DAB1: variants seen among roughly 807,000 people sequenced by gnomAD.
DAB1 encodes DAB adaptor protein 1.
Under a neutral mutation model 64.6 loss-of-function variants are expected in DAB1, and 15 were observed. The observed-to-expected ratio is 0.23, with a 90% CI of 0.16 to 0.36. The LOEUF (loss-of-function observed/expected upper bound fraction) is 0.36. Among genes scored for constraint, DAB1 ranks in the 10% least tolerant of loss-of-function variants. DAB1 has a pLI of 1.00. For missense variants in DAB1, 596 were observed against 706.7 expected, an observed-to-expected ratio of 0.84 and a Z score of 1.78; for synonymous variants, 235 against 251.9, an observed-to-expected ratio of 0.93 and a Z score of 0.64.
intron 5 of DAB1, among the ~76,000 whole-genome samples, chr1:57,948,610 A>T (rs1016404585): frequency 1.4e-4 from 21 of 152,186 alleles, no homozygotes; most frequent in Admixed American, 1.2e-3. Flanking sequence ...AGACTATGTC[A>T]GTTAATGTAC....
intron 1 of DAB1, among the ~76,000 whole-genome samples, chr1:57,394,982 C>T (rs1002417843): frequency 2.6e-5 from 4 of 152,136 alleles, no homozygotes; most frequent in Admixed American, 6.5e-5. Context: ...GTTGTTTTTG[C>T]ATTTCTGCCC....
chr1:58,394,665 A>T lies in DAB1; in HGVS notation n.258-51262T>A, dbSNP rs141829496. Among the ~76,000 whole-genome samples, 390 of 152,340 alleles carry T rather than the reference A, an allele frequency of 2.6e-3. 6 individuals are homozygous for T. Among genetic ancestry groups the T allele is most frequent in the African/African-American group, 8.9e-3 (369 of 41,584 alleles). The stretch of plus-strand genomic sequence containing the variant: ...AGTGAAAGCAACCAGATACAAAATG[A>T]TTCTAATTATATGAACTTCTGGAAA... On this transcript the variant is annotated intron_variant and non_coding_transcript_variant, in intron 3 of 20. Coordinates refer to the DAB1 transcript ENST00000485760.
intron 3 of DAB1, among the ~76,000 whole-genome samples, chr1:58,418,520 G>A (rs706416): frequency 0.61 from 93,354 of 151,882 alleles, 29,801 homozygotes; most frequent in African/African-American, 0.8. Context: ...ATTCAGCAAA[G>A]TGTAGGGAGA....
At chr1:57,314,622 A>G (rs1675031316) in intron 1 of DAB1, among the ~76,000 whole-genome samples, 1 of 152,188 alleles carries the variant, frequency 6.6e-6, no homozygotes, top group Non-Finnish European at 1.5e-5. Flanking sequence ...CTCTTTAAAA[A>G]TAAGCAAGGG....
intron 4 of DAB1, among the ~76,000 whole-genome samples, chr1:58,192,327 C>A (rs1180338254): frequency 6.6e-6 from 1 of 152,088 alleles, no homozygotes; most frequent in Admixed American, 6.6e-5. Context: ...GCATATACTG[C>A]CTAGTGGTGA....
chr1:57,255,077 T>C (rs1054465507), intron 2 of DAB1, among the ~76,000 whole-genome samples: 6 of 152,098 alleles, frequency 3.9e-5, no homozygotes, highest in Non-Finnish European at 7.4e-5. Context: ...TCAATAAACA[T>C]CTCATGAATG....
At chr1:58,473,428 G>T (rs1223047371) in intron 3 of DAB1, among the ~76,000 whole-genome samples, 1 of 151,952 alleles carries the variant, frequency 6.6e-6, no homozygotes, top group African/African-American at 2.4e-5. Flanking sequence ...TGTAGTCCCA[G>T]CTACTCGGGA....
chr1:58,252,269 C>T (rs1039714543), intron 4 of DAB1, among the ~76,000 whole-genome samples: 1 of 152,170 alleles, frequency 6.6e-6, no homozygotes, highest in African/African-American at 2.4e-5. Context: ...AAGCTTCTCT[C>T]AGCATCTGGG....
At chr1:58,341,647 C>G (rs79165156) in intron 4 of DAB1, among the ~76,000 whole-genome samples, 1 of 152,088 alleles carries the variant, frequency 6.6e-6, no homozygotes, top group African/African-American at 2.4e-5. Context: ...TAGTCTGACT[C>G]GAAATCCCAG....
At chr1:57,702,831 C>T (rs766236944) in intron 6 of DAB1, among the ~76,000 whole-genome samples, 1 of 152,180 alleles carries the variant, frequency 6.6e-6, no homozygotes, top group Non-Finnish European at 1.5e-5. Context: ...GGTACTGGTA[C>T]AAAAACAGAC....
chr1:57,720,289 T>C (rs151098677), intron 6 of DAB1, among the ~76,000 whole-genome samples: 1 of 152,334 alleles, frequency 6.6e-6, no homozygotes, highest in Non-Finnish European at 1.5e-5. Context: ...TCCTATGGCA[T>C]GGGTTTCATA....
intron 3 of DAB1, among the ~76,000 whole-genome samples, chr1:58,487,437 G>A (rs1569869633): frequency 6.6e-6 from 1 of 152,238 alleles, no homozygotes; most frequent in East Asian, 1.9e-4. Context: ...TAAAGTTATT[G>A]TTTTTATCAA....
rs542093472 is a variant in DAB1, at chr1:57,508,402, A to G, written n.625+141190T>C. 9.8e-5 allele frequency among the ~76,000 whole-genome samples: 15 copies of G among 152,354 alleles called. No individual in the cohort carries two copies. The South Asian group carries it at 3.1e-3, about 32-fold the overall frequency. ...TGAATCAAAAAATGAATCTGTCAACAGGGAATTCAAATGTCACTGCTTCAA... is the reference window on the plus strand; with the variant it reads ...TGAATCAAAAAATGAATCTGTCAACGGGGAATTCAAATGTCACTGCTTCAA... On this transcript the variant is annotated intron_variant and non_coding_transcript_variant, in intron 7 of 20. Transcript: ENST00000485760.
chr1:57,125,241 C>T (rs1372021066), intron 4 of DAB1, among the ~76,000 whole-genome samples: 4 of 152,158 alleles, frequency 2.6e-5, no homozygotes, highest in Non-Finnish European at 5.9e-5. Flanking sequence ...CCCATAGGTC[C>T]CTGAAGGGAC....
At chr1:57,854,303 T>A (rs543531764) in intron 1 of DAB1, among the ~76,000 whole-genome samples, 1 of 152,172 alleles carries the variant, frequency 6.6e-6, no homozygotes, top group Non-Finnish European at 1.5e-5. Context: ...TCAGAATGAA[T>A]GAGCATGAGA....
chr1:57,755,094 T>A (rs1648743353), intron 6 of DAB1, among the ~76,000 whole-genome samples: 1 of 152,054 alleles, frequency 6.6e-6, no homozygotes, highest in African/African-American at 2.4e-5. Context: ...TCCAAGTAAA[T>A]CTTGGTATCT....
In DAB1 at chr1:57,162,346, A is replaced by G. The variant is rs114045802; in HGVS notation, c.68-16917T>C. ...CCCGTAAGCTCTGGACACATTGCCC[A>G]TGGAAGCCTGAGGGACCAATTGCAA... On this transcript the variant is annotated intron_variant, in intron 2 of 14. Coordinates refer to ENST00000371236, the MANE Select transcript of DAB1 (RefSeq NM_001365792.1). Among the ~76,000 whole-genome samples, 387 of 152,332 alleles carry G rather than the reference A, an allele frequency of 2.5e-3. 2 individuals carry two copies. The highest frequency in any genetic ancestry group is 8.8e-3 in the African/African-American group (368 of 41,586).
At chr1:57,151,844 C>T (rs552702954) in intron 2 of DAB1, among the ~76,000 whole-genome samples, 18 of 126,114 alleles carry the variant, frequency 1.4e-4, no homozygotes, top group East Asian at 2.3e-4. Flanking sequence ...GACACAGTCT[C>T]GCTCTATTGC....
At chr1:57,259,782 G>A (rs1670043802) in intron 2 of DAB1, among the ~76,000 whole-genome samples, 1 of 152,180 alleles carries the variant, frequency 6.6e-6, no homozygotes, top group Admixed American at 6.5e-5. Context: ...CTGAGCTTCT[G>A]CAACCCTGAC....
Sources: gnomAD v4.1 joint callset for allele counts (sites outside exome capture counted in the v4.1 genomes callset) on GRCh38, gnomAD v4.1.1 for gene constraint, MANE v1.5 for transcripts, NCBI Gene and HGNC (gene_info 2026-07-23, HGNC 2026-07-21) for gene names.